Variants in COBLL1 observed in about 807,000 individuals in gnomAD.
The protein encoded by COBLL1 is cordon-bleu WH2 repeat protein like 1.
In COBLL1, 50 loss-of-function variants were observed where a neutral mutation model predicts 94.8. The observed-to-expected ratio is 0.53, with a 90% CI of 0.42 to 0.67. COBLL1 has a LOEUF of 0.67. COBLL1 is among the 30% of genes least tolerant of loss of function. COBLL1 has a pLI of 0.00. For synonymous variants in COBLL1, 448 were observed against 473.8 expected, an observed-to-expected ratio of 0.95 and a Z score of 0.71; for missense variants, 1,362 against 1,348.7, an observed-to-expected ratio of 1.01 and a Z score of -0.15.
chr2:164,834,726 T>C (rs989657528), intron 2 of COBLL1, among the ~76,000 whole-genome samples: 1 of 152,224 alleles, frequency 6.6e-6, no homozygotes, highest in African/African-American at 2.4e-5. Context: ...GAGGATAATA[T>C]GCAAATGAGC....
chr2:164,753,000 G>A (rs566698141), intron 2 of COBLL1, among the ~76,000 whole-genome samples: 1 of 152,286 alleles, frequency 6.6e-6, no homozygotes, highest in South Asian at 2.1e-4. Flanking sequence ...TCAAGGCAGG[G>A]CACAGTGGCT....
intron 2 of COBLL1, among the ~76,000 whole-genome samples, chr2:164,759,791 G>C (rs1231866865): frequency 1.3e-5 from 2 of 152,144 alleles, no homozygotes; most frequent in Non-Finnish European, 2.9e-5. Flanking sequence ...ATGGCAAATA[G>C]ACACACAAAA....
chr2:164,827,898 G>A (rs535653876), intron 2 of COBLL1, among the ~76,000 whole-genome samples: 4 of 152,134 alleles, frequency 2.6e-5, no homozygotes, highest in African/African-American at 7.2e-5. Flanking sequence ...AAATGAAAAT[G>A]TTATTCAGAA....
intron 3 of COBLL1, among the ~76,000 whole-genome samples, chr2:164,734,525 T>TC (rs1413089042): frequency 2.6e-5 from 4 of 152,190 alleles, no homozygotes; most frequent in African/African-American, 4.8e-5. Context: ...TCTACTCTAC[T>TC]TTTTAAAAGG....
At chr2:164,692,497 A>G (rs1242442058) in intron 12 of COBLL1, 100 bp from the exon 13 acceptor site, 1 of 887,440 alleles carries the variant, frequency 1.1e-6, no homozygotes. Context: ...AACAATCACC[A>G]TTTGCCACAC....
At chr2:164,704,096 T>A (rs1684457479) in intron 9 of COBLL1, among the ~76,000 whole-genome samples, 1 of 152,186 alleles carries the variant, frequency 6.6e-6, no homozygotes, top group African/African-American at 2.4e-5. Context: ...TAAGTTTTCT[T>A]CTGCACACAC....
At chr2:164,810,137 A>AT (rs1264607744) in intron 2 of COBLL1, among the ~76,000 whole-genome samples, 1 of 151,596 alleles carries the variant, frequency 6.6e-6, no homozygotes, top group Non-Finnish European at 1.5e-5. Context: ...TAATCATATG[A>AT]TTTTTTCATT....
intron 2 of COBLL1, among the ~76,000 whole-genome samples, chr2:164,839,430 T>C (rs1362683856): frequency 6.6e-6 from 1 of 152,166 alleles, no homozygotes; most frequent in East Asian, 1.9e-4. Context: ...TGTCTCTACA[T>C]TAAAATAAAA....
In COBLL1 at chr2:164,811,369, AC is replaced by A. The variant is rs146755407; in HGVS notation, c.41+29786del. Among the ~76,000 whole-genome samples, 1,105 of 152,072 alleles carry A rather than the reference AC, an allele frequency of 7.3e-3. 3 individuals carry two copies. Among genetic ancestry groups the A allele is most frequent in the Non-Finnish European group, 0.01 (686 of 67,838 alleles). On this transcript the variant is annotated intron_variant, in intron 2 of 13. Coordinates refer to ENST00000652658, the MANE Select transcript of COBLL1 (RefSeq NM_001365672.2). ...AACTGGCAGAACTATAGGTAATTTT[AC>A]CATACGCAAATTGTGCATTAATTAA...
chr2:164,810,530 A>T (rs1684413491), intron 2 of COBLL1, among the ~76,000 whole-genome samples: 1 of 151,690 alleles, frequency 6.6e-6, no homozygotes. Flanking sequence ...CCAAATTTTT[A>T]AAACAAAGGA....
At chr2:164,735,087 C>T (rs1003680784) in intron 3 of COBLL1, among the ~76,000 whole-genome samples, 1 of 152,190 alleles carries the variant, frequency 6.6e-6, no homozygotes, top group Non-Finnish European at 1.5e-5. Context: ...AAGAAGTTAA[C>T]TGGGTTCTGT....
Position 164,682,183 on chromosome 2 carries a change from C to T in COBLL1, c.*3763G>A, listed in dbSNP as rs1334727136. On this transcript the variant is annotated 3_prime_UTR_variant, in exon 14 of 14. Transcript: ENST00000652658. ...TTGCACACCTTTTAAATATGTGGAT[C>T]AAATAAAAATCTTGTTGTCAACTCT... The T allele has an allele frequency of 6.6e-6, 1 of 152,068 alleles. No homozygotes were observed. The highest frequency in any genetic ancestry group is 2.4e-5 in the African/African-American group (1 of 41,418). The allele number at this position is 152,068 out of a possible 1,614,324, so 9.4% of individuals were successfully genotyped here. A position where few individuals can be genotyped will look rare whatever the true frequency, so the allele number is the denominator to read the frequency against.
intron 2 of COBLL1, among the ~76,000 whole-genome samples, chr2:164,744,487 A>G (rs1686762190): frequency 6.6e-6 from 1 of 152,096 alleles, no homozygotes; most frequent in African/African-American, 2.4e-5. Flanking sequence ...TACCAGTTTC[A>G]ACTCTCTACC....
intron 2 of COBLL1, among the ~76,000 whole-genome samples, chr2:164,765,957 A>G (rs770884603): frequency 3.3e-5 from 5 of 152,014 alleles, no homozygotes; most frequent in South Asian, 2.1e-4. Context: ...CTCTAACCCT[A>G]ACCAACCTCC....
At chr2:164,714,986 A>G (rs1685090142) in intron 7 of COBLL1, among the ~76,000 whole-genome samples, 1 of 152,202 alleles carries the variant, frequency 6.6e-6, no homozygotes, top group South Asian at 2.1e-4. Flanking sequence ...TTAATTCCTC[A>G]TAATTCATAG....
At chr2:164,714,982 C>A (rs56169530) in intron 7 of COBLL1, among the ~76,000 whole-genome samples, 14,561 of 152,102 alleles carry the variant, frequency 0.096, 924 homozygotes, top group Non-Finnish European at 0.14. Context: ...CTTATTAATT[C>A]CTCATAATTC....
intron 3 of COBLL1, among the ~76,000 whole-genome samples, chr2:164,734,341 G>A (rs559610454): frequency 6.6e-6 from 1 of 152,250 alleles, no homozygotes; most frequent in South Asian, 2.1e-4. Flanking sequence ...AAAACCCTGA[G>A]GCAGGAATGT....
intron 2 of COBLL1, among the ~76,000 whole-genome samples, chr2:164,757,977 AAAAACATCTTGGGG>A (rs746922481): frequency 7.3e-4 from 111 of 152,264 alleles, no homozygotes; most frequent in Middle Eastern, 6.8e-3. Flanking sequence ...ACAAGATGAG[AAAAACATCTTGGGG>A]AAAAATATGA....
intron 7 of COBLL1, among the ~76,000 whole-genome samples, chr2:164,715,676 T>C (rs1325551831): frequency 6.6e-6 from 1 of 151,940 alleles, no homozygotes; most frequent in African/African-American, 2.4e-5. Flanking sequence ...ATTTAAAAAA[T>C]TAAGTCAGTT....
Sources: allele counts gnomAD v4.1 joint callset (sites outside exome capture counted in the v4.1 genomes callset), GRCh38; gene constraint gnomAD v4.1.1; transcripts MANE v1.5; gene names NCBI Gene and HGNC (gene_info 2026-07-23, HGNC 2026-07-21).